Variants in TFCP2L1 observed in about 807,000 individuals in gnomAD.
TFCP2L1 encodes transcription factor CP2 like 1, also known as transcription factor CP2-like protein 1.
TFCP2L1 carries 12 observed loss-of-function variants against 72.2 expected under a neutral mutation model. The ratio of observed to expected loss-of-function variants is 0.17; its 90% CI spans 0.11 to 0.27. The LOEUF is 0.27. Ranked by LOEUF, TFCP2L1 falls within the 10% of genes least tolerant of loss-of-function variation. TFCP2L1 has a pLI of 1.00. For synonymous variants in TFCP2L1, 260 were observed against 251.0 expected, an observed-to-expected ratio of 1.04 and a Z score of -0.34; for missense variants, 488 against 624.6, an observed-to-expected ratio of 0.78 and a Z score of 2.33.
Position 121,222,711 on chromosome 2 carries a change from T to G in TFCP2L1, c.*1630A>C, listed in dbSNP as rs952154333. The G allele has an allele frequency of 1.8e-4, 27 of 152,238 alleles. No individual in the cohort carries two copies. The highest frequency in any genetic ancestry group is 5.8e-4 in the African/African-American group (24 of 41,454). 9.4% of individuals were successfully genotyped at this position (152,238 alleles called of 1,614,324 possible). A position where few individuals can be genotyped will look rare whatever the true frequency, so the allele number is the denominator to read the frequency against. Reference sequence around the variant, plus strand: ...GTGATGAAAATGTACCAACGTTGACTGTAATTCTGTGAATTGATGGTGGTT... The same window carrying G: ...GTGATGAAAATGTACCAACGTTGACGGTAATTCTGTGAATTGATGGTGGTT... On this transcript the variant is annotated 3_prime_UTR_variant, in exon 15 of 15. Coordinates refer to ENST00000263707, the MANE Select transcript of TFCP2L1 (RefSeq NM_014553.3).
chr2:121,276,006 C>T (rs1042854070), intron 2 of TFCP2L1, among the ~76,000 whole-genome samples: 4 of 152,196 alleles, frequency 2.6e-5, no homozygotes, highest in East Asian at 1.9e-4. Context: ...ATGAGGAATT[C>T]GGCAAGAACA....
intron 2 of TFCP2L1, among the ~76,000 whole-genome samples, chr2:121,271,047 G>A (rs1159994423): frequency 1.3e-5 from 2 of 151,864 alleles, no homozygotes; most frequent in Non-Finnish European, 2.9e-5. Flanking sequence ...AAAATTGGCT[G>A]GGCATGATGG....
intron 2 of TFCP2L1, among the ~76,000 whole-genome samples, chr2:121,265,192 C>T (rs1449322106): frequency 1.3e-5 from 2 of 152,086 alleles, no homozygotes; most frequent in African/African-American, 2.4e-5. Flanking sequence ...CCCTTAAAAA[C>T]ATGATGGACA....
intron 2 of TFCP2L1, among the ~76,000 whole-genome samples, chr2:121,271,687 T>C (rs564142624): frequency 3.9e-5 from 6 of 152,372 alleles, no homozygotes; most frequent in East Asian, 1.9e-4. Context: ...CAGGTATTTG[T>C]TGTTCACGTA....
At chr2:121,225,661 T>A in intron 13 of TFCP2L1, 48 bp from the exon 14 acceptor site, 5 of 1,608,368 alleles carry the variant, frequency 3.1e-6, no homozygotes, top group Non-Finnish European at 4.3e-6. Flanking sequence ...GAGTTCATCA[T>A]TTGGAAAGCC....
chr2:121,227,951 C>A (rs193206418), intron 13 of TFCP2L1, among the ~76,000 whole-genome samples: 17 of 152,376 alleles, frequency 1.1e-4, no homozygotes, highest in Middle Eastern at 6.8e-3. Context: ...GGCAGCCCAG[C>A]CACTTGGGCA....
intron 2 of TFCP2L1, among the ~76,000 whole-genome samples, chr2:121,250,853 C>T (rs1686596359): frequency 6.6e-6 from 1 of 151,932 alleles, no homozygotes; most frequent in South Asian, 2.1e-4. Context: ...GATTCATCCA[C>T]CTTGGCCTCC....
chr2:121,254,655 G>A (rs917983417), intron 2 of TFCP2L1, among the ~76,000 whole-genome samples: 9 of 152,120 alleles, frequency 5.9e-5, no homozygotes, highest in African/African-American at 1.2e-4. Context: ...AAAATTAGCC[G>A]GGCGTGGTGG....
chr2:121,232,199 C>G (rs193114070), intron 12 of TFCP2L1, among the ~76,000 whole-genome samples: 1 of 151,886 alleles, frequency 6.6e-6, no homozygotes, highest in African/African-American at 2.4e-5. Context: ...AGTGCAGCAG[C>G]GTGATCTCGG....
Position 121,249,106 on chromosome 2 carries a change from A to AG in TFCP2L1, c.292-20dup. ...TGATGCTCTGGGGAGGGAGGCCAGCAGGGAAACAAGTGACCGCGGGGGGCC... is the reference window on the plus strand; with the variant it reads ...TGATGCTCTGGGGAGGGAGGCCAGCAGGGGAAACAAGTGACCGCGGGGGGCC... On this transcript the variant is annotated intron_variant, in intron 3 of 14. Transcript: ENST00000263707. The AG allele has an allele frequency of 6.5e-7, 1 of 1,532,404 alleles. No individual in the cohort carries two copies. The highest frequency in any genetic ancestry group is 8.8e-7 in the Non-Finnish European group (1 of 1,135,278). The allele number at this position is 1,532,404 out of a possible 1,614,324, so 94.9% of individuals were successfully genotyped here. A position where few individuals can be genotyped will look rare whatever the true frequency, so the allele number is the denominator to read the frequency against.
At chr2:121,232,163 G>A (rs1370245359) in intron 12 of TFCP2L1, among the ~76,000 whole-genome samples, 195 bp from the exon 13 acceptor site, 1 of 145,380 alleles carries the variant, frequency 6.9e-6, no homozygotes, top group African/African-American at 2.6e-5. Context: ...TTTTGTGATG[G>A]AGTCTCGCTC....
intron 6 of TFCP2L1, among the ~76,000 whole-genome samples, chr2:121,245,492 A>G (rs1686462360): frequency 6.6e-6 from 1 of 152,196 alleles, no homozygotes; most frequent in Non-Finnish European, 1.5e-5. Flanking sequence ...TCTGCCAGGA[A>G]AGACAAACAC....
chr2:121,266,441 G>A (rs1686932122), intron 2 of TFCP2L1, among the ~76,000 whole-genome samples: 1 of 152,146 alleles, frequency 6.6e-6, no homozygotes, highest in South Asian at 2.1e-4. Context: ...CCAGAGCAAG[G>A]TGAGAGTGTA....
In TFCP2L1 at chr2:121,237,867, C is replaced by T. The variant is rs1482456775; in HGVS notation, c.861-17G>A. 6.2e-7 allele frequency: 1 copy of T among 1,613,790 alleles called. No homozygotes were observed. On this transcript the variant is annotated splice_polypyrimidine_tract_variant and intron_variant, in intron 8 of 14. Coordinates refer to ENST00000263707, the MANE Select transcript of TFCP2L1 (RefSeq NM_014553.3). ...GAGGCGTTGCTGCAAGGAAAAGGAA[C>T]CAGTGATGAGGACAGAGGGGGCTCC... is the stretch of plus-strand genomic sequence containing the variant.
rs751123499 is a variant in TFCP2L1 at position 121,219,247 on chromosome 2, T to G, written c.*5094A>C. 3.3e-5 allele frequency: 5 copies of G among 152,276 alleles called. No homozygotes were observed. Among genetic ancestry groups the G allele is most frequent in the Non-Finnish European group, 5.9e-5 (4 of 68,086 alleles). The allele number at this position is 152,276 out of a possible 1,614,324, so 9.4% of individuals were successfully genotyped here. On this transcript the variant is annotated 3_prime_UTR_variant, in exon 15 of 15. Transcript: ENST00000263707. ...GGATCATCGAGCTACCGAGGGAGCC[T>G]GTTTTCCCCAAATGCGAAGGGAACA...
At chr2:121,245,694 T>G (rs1417097461) in intron 6 of TFCP2L1, among the ~76,000 whole-genome samples, 2 of 152,332 alleles carry the variant, frequency 1.3e-5, no homozygotes, top group Non-Finnish European at 2.9e-5. Context: ...GCTGTGATGG[T>G]GCGTCCCCAG....
rs140995019 is a variant in TFCP2L1 at position 121,235,807 on chromosome 2, G to A, written c.1004-496C>T. Among the ~76,000 whole-genome samples, 219 of 151,844 alleles carry A rather than the reference G, an allele frequency of 1.4e-3. 7 individuals carry two copies. In the South Asian group the frequency reaches 0.026, roughly 18 times the overall value. ...CCATGTGTGCATCTGTCTGTATGTG[G>A]AAGTATACAGCTCGCTGGATGCTGA... On this transcript the variant is annotated intron_variant, in intron 10 of 14. Transcript: ENST00000263707.
chr2:121,248,069 C>G (rs1686525515), intron 5 of TFCP2L1, 95 bp downstream of exon 5: 1 of 1,007,176 alleles, frequency 9.9e-7, no homozygotes, highest in Admixed American at 2.3e-5. Context: ...AGAAGCTCAT[C>G]CAGACCCTCC....
chr2:121,247,099 G>T, intron 5 of TFCP2L1, 129 bp from the exon 6 acceptor site: 1 of 1,110,650 alleles, frequency 9.0e-7, no homozygotes, highest in Non-Finnish European at 1.3e-6. Flanking sequence ...CGACCTCCCT[G>T]CTTTCCCTGA....
Sources: allele counts gnomAD v4.1 joint callset (sites outside exome capture counted in the v4.1 genomes callset), GRCh38; gene constraint gnomAD v4.1.1; transcripts MANE v1.5; gene names NCBI Gene and HGNC (gene_info 2026-07-23, HGNC 2026-07-21).